Variants in ZC3HAV1L observed in about 807,000 individuals in gnomAD.
The protein encoded by ZC3HAV1L is zinc finger CCCH-type antiviral protein 1-like.
A neutral mutation model predicts 28.2 loss-of-function variants in ZC3HAV1L; 23 were observed. The observed-to-expected ratio is 0.82, with a 90% CI of 0.59 to 1.16. The LOEUF is 1.16. ZC3HAV1L is among the 50% of genes most tolerant of loss of function. ZC3HAV1L has a pLI of 0.00. For synonymous variants in ZC3HAV1L, 180 were observed against 163.4 expected (o/e 1.10, Z -0.78); for missense variants, 376 against 387.7 (o/e 0.97, Z 0.25).
At chr7:139,023,160 G>A (rs1346361255), downstream of ZC3HAV1L, among the ~76,000 whole-genome samples, 2 of 117,984 alleles carry the variant, frequency 1.7e-5, no homozygotes, top group Non-Finnish European at 3.2e-5. Flanking sequence ...GGGCGACAGA[G>A]ACTCCATCTC....
At chr7:139,025,449 CA>C (rs11399688), downstream of ZC3HAV1L, among the ~76,000 whole-genome samples, 136 of 136,228 alleles carry the variant, frequency 1.0e-3, 1 homozygote, top group Non-Finnish European at 1.0e-3. Flanking sequence ...ACTCTGTCTC[CA>C]AAAAAAAAAA....
At chr7:139,035,492 G>C (rs1039069713) in intron 1 of ZC3HAV1L, 161 bp downstream of exon 1, 5 of 985,392 alleles carry the variant, frequency 5.1e-6, no homozygotes, top group Non-Finnish European at 6.0e-6. Context: ...CTGGAAGCGC[G>C]GGGGAGGACG....
chr7:139,021,511 A>T (rs1251118607), downstream of ZC3HAV1L, among the ~76,000 whole-genome samples: 1 of 152,168 alleles, frequency 6.6e-6, no homozygotes, highest in Non-Finnish European at 1.5e-5. Flanking sequence ...AATATAAATG[A>T]ATTTTATTTA....
chr7:139,035,226 T>C, intron 1 of ZC3HAV1L: 2 of 985,454 alleles, frequency 2.0e-6, no homozygotes, highest in Non-Finnish European at 1.2e-6. Flanking sequence ...GACCCGCTTC[T>C]GCACAAGTGT....
chr7:139,026,576 T>A lies in ZC3HAV1L; in HGVS notation c.887-16A>T. 6.2e-7 allele frequency: 1 copy of A among 1,612,102 alleles called. No homozygotes were observed. The highest frequency in any genetic ancestry group is 1.1e-5 in the South Asian group (1 of 91,002). ...TCGCAAGACACTGTGAGGTAGATAT[T>A]ATTATGACCATTACAAATCTATCAT... On this transcript the variant is annotated splice_polypyrimidine_tract_variant and intron_variant, in intron 4 of 4. Transcript: ENST00000275766.
chr7:139,034,697 C>T lies in ZC3HAV1L; in HGVS notation c.366-19G>A, dbSNP rs758165988. 1.1e-5 allele frequency: 18 copies of T among 1,612,866 alleles called. No individual in the cohort carries two copies. Among genetic ancestry groups the T allele is most frequent in the Non-Finnish European group, 1.7e-6 (2 of 1,179,256 alleles). ...GGTAGACCTAAAAGAACAAAGCCCT[C>T]GGTCAGATGCCCAGGTGAAGAAGGA... On this transcript the variant is annotated intron_variant, in intron 1 of 4. Transcript: ENST00000275766.
In ZC3HAV1L at chr7:139,026,576, T is replaced by G. The variant is rs377765478; in HGVS notation, c.887-16A>C. 44 of 1,612,102 alleles carry G rather than the reference T, an allele frequency of 2.7e-5. 1 individual carries two copies. In the Admixed American group the frequency reaches 2.8e-4, roughly 10 times the overall value. On this transcript the variant is annotated splice_polypyrimidine_tract_variant and intron_variant, in intron 4 of 4. Coordinates refer to ENST00000275766, the MANE Select transcript of ZC3HAV1L (RefSeq NM_080660.4). ...TCGCAAGACACTGTGAGGTAGATATTATTATGACCATTACAAATCTATCAT... is the reference window on the plus strand; with the variant it reads ...TCGCAAGACACTGTGAGGTAGATATGATTATGACCATTACAAATCTATCAT...
rs1815443502 is a variant in ZC3HAV1L at position 139,028,991 on chromosome 7, A to G, written c.502-31T>C. The G allele has an allele frequency of 5.0e-6, 8 of 1,592,482 alleles. No individual in the cohort carries two copies. The East Asian group carries it at 1.8e-4, about 36-fold the overall frequency. On this transcript the variant is annotated intron_variant, in intron 2 of 4. Coordinates refer to ENST00000275766, the MANE Select transcript of ZC3HAV1L (RefSeq NM_080660.4). The stretch of plus-strand genomic sequence containing the variant: ...ACAGAAATGAGGGAACACCTGAAAT[A>G]TTAGTTTTTCTTTTTTTTTTGGCAG...
rs1303279531 is a variant in ZC3HAV1L at position 139,036,001 on chromosome 7, A to C, written c.17T>G (p.Val6Gly). Reference protein sequence around the residue: MAEPTVCSFLTKVLCA... With the variant: MAEPTGCSFLTKVLCA... ...CAGCACCTTGGTGAGGAAGGAGCAC[A>C]CTGTGGGCTCCGCCATGGTCGCTGG... The change falls in exon 1 of 5, where the codon GTG (valine) becomes GGG (glycine). Residue 6 changes from valine (V) to glycine (G), a missense_variant. Transcript: ENST00000275766. 1.3e-6 allele frequency: 2 copies of C among 1,515,596 alleles called. No individual in the cohort carries two copies. The highest frequency in any genetic ancestry group is 2.0e-5 in the Admixed American group (1 of 49,650). 93.9% of individuals were successfully genotyped at this position (1,515,596 alleles called of 1,614,324 possible). A position where few individuals can be genotyped will look rare whatever the true frequency, so the allele number is the denominator to read the frequency against.
chr7:139,035,779 C>T lies in ZC3HAV1L; in HGVS notation c.239G>A (p.Trp80Ter), dbSNP rs757238947. 10 of 1,494,704 alleles carry T rather than the reference C, an allele frequency of 6.7e-6. No homozygotes were observed. The South Asian group carries it at 1.1e-4, about 17-fold the overall frequency. 92.6% of individuals were successfully genotyped at this position (1,494,704 alleles called of 1,614,324 possible). The part of the protein sequence containing the change: ...GAVGGGGTSA[W>*]RVVAVSSVRL... Reference sequence around the variant, plus strand: ...CACAGAGGACACGGCCACCACCCTCCAGGCGGAGGTGCCGCCACCGCCCAC... The same window carrying T: ...CACAGAGGACACGGCCACCACCCTCTAGGCGGAGGTGCCGCCACCGCCCAC... Residue 80 changes from tryptophan to a stop codon, truncating the protein, a stop_gained, in exon 1 of 5, where the codon TGG becomes TAG. Transcript: ENST00000275766. LOFTEE classifies it high-confidence loss of function.
In ZC3HAV1L at chr7:139,035,926, T is replaced by A; in HGVS notation, c.92A>T (p.Glu31Val). 1.3e-6 allele frequency: 2 copies of A among 1,513,026 alleles called. No homozygotes were observed. Among genetic ancestry groups the A allele is most frequent in the South Asian group, 2.5e-5 (2 of 81,632 alleles). The allele number at this position is 1,513,026 out of a possible 1,614,324, so 93.7% of individuals were successfully genotyped here. ...MFLKDLRGHV[E>V]LSEARLRDVL... ...GTCCCGGAGCCTGGCCTCCGACAGC[T>A]CCACGTGGCCGCGCAGGTCCTTCAG... The change falls in exon 1 of 5, where the codon GAG (glutamate) becomes GTG (valine). Residue 31 changes from glutamate to valine, a missense_variant. Glu to Val is a moderately radical substitution (Grantham distance 121). Transcript: ENST00000275766.
intron 1 of ZC3HAV1L, 126 bp from the exon 2 acceptor site, chr7:139,034,804 G>C: frequency 6.9e-7 from 1 of 1,451,854 alleles, no homozygotes; most frequent in Non-Finnish European, 9.1e-7. Context: ...TGAAACCGGG[G>C]ATAGTATGGC....
At chr7:139,023,067 C>T (rs1489077064), downstream of ZC3HAV1L, among the ~76,000 whole-genome samples, 7 of 149,892 alleles carry the variant, frequency 4.7e-5, no homozygotes, top group African/African-American at 1.5e-4. Flanking sequence ...CCCAGCTACT[C>T]GGGAGGCTGA....
At chr7:139,034,161 A>G in intron 2 of ZC3HAV1L, 1 of 985,410 alleles carries the variant, frequency 1.0e-6, no homozygotes, top group South Asian at 4.7e-5. Context: ...AGTTAAAATC[A>G]GGCCACAATT....
chr7:139,024,231 T>C (rs1299701202), downstream of ZC3HAV1L, among the ~76,000 whole-genome samples: 1 of 152,184 alleles, frequency 6.6e-6, no homozygotes, highest in African/African-American at 2.4e-5. Flanking sequence ...TTATATAAAA[T>C]ATTTTACAGA....
chr7:139,021,847 A>G (rs1245684970), downstream of ZC3HAV1L, among the ~76,000 whole-genome samples: 1 of 152,152 alleles, frequency 6.6e-6, no homozygotes, highest in African/African-American at 2.4e-5. Context: ...TATGAAACAC[A>G]AAAACAAAAT....
chr7:139,022,734 A>G (rs934169587), downstream of ZC3HAV1L, among the ~76,000 whole-genome samples: 1 of 152,252 alleles, frequency 6.6e-6, no homozygotes, highest in Admixed American at 6.5e-5. Flanking sequence ...TGCACACAGC[A>G]TTGCAACATA....
chr7:139,028,329 C>T (rs1322781596), intron 3 of ZC3HAV1L, among the ~76,000 whole-genome samples: 2 of 148,842 alleles, frequency 1.3e-5, no homozygotes, highest in African/African-American at 5.0e-5. Context: ...GCCCCGATCG[C>T]GCCACTGCAC....
chr7:139,022,015 A>T (rs1194881346), downstream of ZC3HAV1L, among the ~76,000 whole-genome samples: 1 of 152,166 alleles, frequency 6.6e-6, no homozygotes, highest in Non-Finnish European at 1.5e-5. Context: ...AACAGCCAAG[A>T]AAGAATTAAT....
Sources: gnomAD v4.1 joint callset for allele counts (sites outside exome capture counted in the v4.1 genomes callset) on GRCh38, gnomAD v4.1.1 for gene constraint, MANE v1.5 for transcripts, NCBI Gene and HGNC (gene_info 2026-07-23, HGNC 2026-07-21) for gene names.